THSD4: variants seen among roughly 807,000 people sequenced by gnomAD.
The protein encoded by THSD4 is thrombospondin type 1 domain containing 4, also known as thrombospondin type-1 domain-containing protein 4.
A neutral mutation model predicts 119.0 loss-of-function variants in THSD4; 69 were observed. The observed-to-expected ratio is 0.58, with a 90% CI of 0.48 to 0.71. THSD4 has a LOEUF of 0.71. Ranked by LOEUF, THSD4 falls within the 30% of genes least tolerant of loss-of-function variation. THSD4 has a pLI of 0.00. For missense variants in THSD4, 1,393 were observed against 1,391.1 expected (o/e 1.00, Z -0.02); for synonymous variants, 524 against 540.4 (o/e 0.97, Z 0.42).
At chr15:71,687,074 G>A (rs563963041) in intron 8 of THSD4, among the ~76,000 whole-genome samples, 1 of 152,292 alleles carries the variant, frequency 6.6e-6, no homozygotes, top group African/African-American at 2.4e-5. Context: ...TGGTACCAAA[G>A]CAGGATATCA....
intron 7 of THSD4, among the ~76,000 whole-genome samples, chr15:71,650,474 G>A (rs76813879): frequency 0.023 from 3,515 of 152,170 alleles, 125 homozygotes; most frequent in African/African-American, 0.079. Context: ...TTGAGTAACA[G>A]GGGGCCAGAG....
chr15:71,723,127 AT>A (rs1406106202), intron 8 of THSD4, among the ~76,000 whole-genome samples: 1 of 151,472 alleles, frequency 6.6e-6, no homozygotes, highest in African/African-American at 2.4e-5. Flanking sequence ...TGTTAGAAAC[AT>A]TTTTGTATAC....
intron 7 of THSD4, among the ~76,000 whole-genome samples, chr15:71,549,151 C>G (rs1198051892): frequency 1.3e-5 from 2 of 152,186 alleles, no homozygotes; most frequent in African/African-American, 4.8e-5. Context: ...AGACAGTGCT[C>G]AGCGTTTGAG....
At chr15:71,568,058 G>C (rs972511496) in intron 7 of THSD4, among the ~76,000 whole-genome samples, 5 of 151,928 alleles carry the variant, frequency 3.3e-5, no homozygotes, top group Non-Finnish European at 7.4e-5. Flanking sequence ...CTTGGTATAG[G>C]ATGAGTATAA....
At chr15:71,571,980 C>T (rs904069380) in intron 7 of THSD4, among the ~76,000 whole-genome samples, 1 of 152,212 alleles carries the variant, frequency 6.6e-6, no homozygotes, top group Admixed American at 6.5e-5. Flanking sequence ...TGCTTCATGT[C>T]TCTGCCAATC....
chr15:71,218,215 A>G (rs1303971681), intron 4 of THSD4, among the ~76,000 whole-genome samples: 1 of 152,194 alleles, frequency 6.6e-6, no homozygotes, highest in Non-Finnish European at 1.5e-5. Flanking sequence ...GATGAAGTAG[A>G]TGTTACACCT....
chr15:71,469,140 T>A (rs2047538712), intron 7 of THSD4, among the ~76,000 whole-genome samples: 1 of 152,224 alleles, frequency 6.6e-6, no homozygotes, highest in African/African-American at 2.4e-5. Flanking sequence ...GGCCTCACAT[T>A]TGACCTAAGA....
intron 8 of THSD4, among the ~76,000 whole-genome samples, chr15:71,724,742 T>C (rs1330684113): frequency 6.6e-6 from 1 of 152,182 alleles, no homozygotes; most frequent in Non-Finnish European, 1.5e-5. Context: ...CATGGTAGCC[T>C]GGCCCTGGAT....
At chr15:71,586,703 C>A (rs1447478039) in intron 7 of THSD4, among the ~76,000 whole-genome samples, 1 of 152,186 alleles carries the variant, frequency 6.6e-6, no homozygotes, top group East Asian at 1.9e-4. Flanking sequence ...TGCCATTTAA[C>A]ATAACCTAAT....
chr15:71,619,832 T>G (rs1040065233), intron 7 of THSD4, among the ~76,000 whole-genome samples: 1 of 152,252 alleles, frequency 6.6e-6, no homozygotes, highest in African/African-American at 2.4e-5. Flanking sequence ...TTTTTCCAAC[T>G]AATTCAACTG....
chr15:71,607,960 A>G (rs2050139807), intron 7 of THSD4, among the ~76,000 whole-genome samples: 1 of 152,132 alleles, frequency 6.6e-6, no homozygotes, highest in Non-Finnish European at 1.5e-5. Flanking sequence ...TGGGTGGCTT[A>G]CACCTGTAAT....
At chr15:71,242,615 C>T (rs201725389) in intron 4 of THSD4, 34 bp from the exon 5 acceptor site, 1 of 1,596,950 alleles carries the variant, frequency 6.3e-7, no homozygotes, top group African/African-American at 1.3e-5. Flanking sequence ...TCATCCGACT[C>T]TGATCATCTC....
chr15:71,480,148 C>T (rs901195404), intron 7 of THSD4, among the ~76,000 whole-genome samples: 1 of 152,178 alleles, frequency 6.6e-6, no homozygotes, highest in Non-Finnish European at 1.5e-5. Context: ...GCGATCCTCC[C>T]ACCCAAGCCT....
intron 8 of THSD4, among the ~76,000 whole-genome samples, chr15:71,700,896 C>T (rs924721288): frequency 1.2e-4 from 18 of 151,760 alleles, no homozygotes; most frequent in African/African-American, 3.6e-4. Flanking sequence ...TATAAATATA[C>T]CAAAAGAAAA....
intron 8 of THSD4, among the ~76,000 whole-genome samples, chr15:71,708,792 C>T (rs1010120572): frequency 2.6e-5 from 4 of 152,170 alleles, no homozygotes; most frequent in African/African-American, 2.4e-5. Context: ...TAAGTCACCA[C>T]CTAATTTCTG....
intron 7 of THSD4, among the ~76,000 whole-genome samples, chr15:71,503,996 C>T (rs182562389): frequency 1.7e-3 from 258 of 152,292 alleles, no homozygotes; most frequent in African/African-American, 6.1e-3. Flanking sequence ...GTCTGTGGGA[C>T]TCAGTTACTC....
intron 6 of THSD4, among the ~76,000 whole-genome samples, chr15:71,402,380 T>C (rs1409201851): frequency 6.6e-6 from 1 of 152,198 alleles, no homozygotes; most frequent in Non-Finnish European, 1.5e-5. Context: ...ATGATGACTA[T>C]GTACATGCAC....
At chr15:71,189,875 A>G (rs1458067660) in intron 3 of THSD4, among the ~76,000 whole-genome samples, 1 of 152,150 alleles carries the variant, frequency 6.6e-6, no homozygotes, top group Non-Finnish European at 1.5e-5. Flanking sequence ...TGGTGGGCCT[A>G]AGCATTGCAT....
intron 6 of THSD4, among the ~76,000 whole-genome samples, chr15:71,362,819 G>A (rs76191953): frequency 6.6e-6 from 1 of 151,902 alleles, no homozygotes; most frequent in African/African-American, 2.4e-5. Context: ...ATTTCATTGT[G>A]TTTTATATTC....
Sources: gnomAD v4.1 joint callset for allele counts (sites outside exome capture counted in the v4.1 genomes callset) on GRCh38, gnomAD v4.1.1 for gene constraint, MANE v1.5 for transcripts, NCBI Gene and HGNC (gene_info 2026-07-23, HGNC 2026-07-21) for gene names.